The following ZNF592 variants were observed in gnomAD, a reference collection of about 807,000 sequenced individuals.
The protein encoded by ZNF592 is zinc finger protein 592.
ZNF592 carries 11 observed loss-of-function variants against 80.3 expected under a neutral mutation model. That is an observed-to-expected ratio of 0.14 (90% CI 0.09 to 0.23). ZNF592 has a LOEUF of 0.23. Among genes scored for constraint, ZNF592 ranks in the 10% least tolerant of loss-of-function variants. The pLI is 1.00. For synonymous variants in ZNF592, 646 were observed against 640.3 expected, an observed-to-expected ratio of 1.01 and a Z score of -0.13; for missense variants, 1,420 against 1,633.9, an observed-to-expected ratio of 0.87 and a Z score of 2.26.
At chr15:84,776,771 A>G (rs1156730917) in intron 2 of ZNF592, among the ~76,000 whole-genome samples, 1 of 151,900 alleles carries the variant, frequency 6.6e-6, no homozygotes, top group Non-Finnish European at 1.5e-5. Flanking sequence ...AAAACAAAAC[A>G]AAACACCTGG....
At chr15:84,778,942 G>C (rs1288540065) in intron 3 of ZNF592, among the ~76,000 whole-genome samples, 1 of 152,190 alleles carries the variant, frequency 6.6e-6, no homozygotes, top group Non-Finnish European at 1.5e-5. Context: ...ATGAGTGGAG[G>C]AACACCAGGG....
rs542785048 is a variant in ZNF592, at chr15:84,784,577, G to T, written c.1902G>T (p.Arg634=). 12 of 1,614,160 alleles carry T rather than the reference G, an allele frequency of 7.4e-6. No homozygotes were observed. In the African/African-American group the frequency reaches 1.6e-4, roughly 22 times the overall value. The change falls in exon 4 of 11, where the codon CGG becomes CGT. Residue 634 remains arginine, a synonymous_variant. Transcript: ENST00000560079. The surrounding 1 kb of genome is among the most constrained non-coding windows in gnomAD (Gnocchi z 5.8). The part of the protein sequence containing the change: ...LLFFNKCSLL[R]HARDHKSKGL... ...TCTTCAACAAGTGCAGCCTGCTCCG[G>T]CACGCCCGTGACCACAAGAGCAAGG...
chr15:84,752,220 T>C (rs1899034927), intron 1 of ZNF592, among the ~76,000 whole-genome samples: 1 of 152,214 alleles, frequency 6.6e-6, no homozygotes, highest in African/African-American at 2.4e-5. Context: ...CCATGTTCCA[T>C]GTGATCAGTC....
Position 84,802,155 on chromosome 15 carries a change from C to T in ZNF592, c.3566C>T (p.Ala1189Val), listed in dbSNP as rs543464397. The change falls in exon 11 of 11, where the codon GCG becomes GTG. Residue 1189 changes from alanine (A) to valine (V), a missense_variant. Around this residue, in one of 7 missense-constraint regions of ZNF592, gnomAD observed 145 missense variants for 211.9 expected, o/e 0.68. Coordinates refer to ENST00000560079, the MANE Select transcript of ZNF592 (RefSeq NM_014630.3). ...CAGGAGGAGGAGGAGGAAGAGGAGG[C>T]GGCGGCAGCGGAGATGGCAGTGGAG... ...RDQEEEEEEE[A>V]AAAEMAVEVA... 2.5e-5 allele frequency: 40 copies of T among 1,602,270 alleles called. No individual in the cohort carries two copies. In the South Asian group the frequency reaches 2.8e-4, roughly 11 times the overall value.
rs774627318 is a variant in ZNF592, at chr15:84,783,286, A to T, written c.611A>T (p.Glu204Val). ...LHMFDHFCKK[E>V]PKPEPLPLGS... ...ATGTTTGATCATTTTTGTAAGAAAG[A>T]ACCCAAGCCAGAACCCCTGCCCTTG... The change falls in exon 4 of 11, where the codon GAA becomes GTA. Residue 204 changes from glutamate (E) to valine (V), a missense_variant. Coordinates refer to ENST00000560079, the MANE Select transcript of ZNF592 (RefSeq NM_014630.3). This position sits in a 1 kb window ranked among gnomAD's most constrained non-coding sequence, Gnocchi z 5.0. 1.9e-6 allele frequency: 3 copies of T among 1,614,252 alleles called. No individual in the cohort carries two copies. The South Asian group carries it at 3.3e-5, about 18-fold the overall frequency.
chr15:84,786,538 G>A (rs2141989675), intron 4 of ZNF592, among the ~76,000 whole-genome samples: 1 of 152,236 alleles, frequency 6.6e-6, no homozygotes, highest in African/African-American at 2.4e-5. Flanking sequence ...GTTGAGTTTG[G>A]CGGGCCTGTA....
At chr15:84,791,936 A>G (rs1342838017) in intron 5 of ZNF592, among the ~76,000 whole-genome samples, 1 of 152,240 alleles carries the variant, frequency 6.6e-6, no homozygotes. Context: ...CAGACCATGC[A>G]AGACCTTGTA....
chr15:84,765,305 T>C (rs1899475582), intron 2 of ZNF592, among the ~76,000 whole-genome samples: 2 of 152,220 alleles, frequency 1.3e-5, no homozygotes, highest in Admixed American at 1.3e-4. Flanking sequence ...CTTTGAGTGT[T>C]ATGAATAATC....
chr15:84,782,953 A>T lies in ZNF592; in HGVS notation c.278A>T (p.Asn93Ile), dbSNP rs557600795. 2 of 1,614,158 alleles carry T rather than the reference A, an allele frequency of 1.2e-6. No individual in the cohort carries two copies. Among genetic ancestry groups the T allele is most frequent in the Admixed American group, 1.7e-5 (1 of 60,016 alleles). ...KDHITPSLLH[N>I]GFRGSDLPPD... Reference sequence around the variant, plus strand: ...CACATTACTCCCAGTCTCCTACACAATGGATTCCGGGGCTCAGATCTGCCT... The same window carrying T: ...CACATTACTCCCAGTCTCCTACACATTGGATTCCGGGGCTCAGATCTGCCT... Residue 93 changes from asparagine to isoleucine, a missense_variant, in exon 4 of 11, where the codon AAT becomes ATT. Transcript: ENST00000560079.
Position 84,797,944 on chromosome 15 carries a change from T to C in ZNF592, c.2475T>C (p.Val825=). 1 of 1,614,218 alleles carries C rather than the reference T, an allele frequency of 6.2e-7. No individual in the cohort carries two copies. Among genetic ancestry groups the C allele is most frequent in the Non-Finnish European group, 8.5e-7 (1 of 1,180,044 alleles). The part of the protein sequence containing the change: ...KSHIQERHCQ[V]FHKCAFCPMA... ...ACATCCAGGAGCGACACTGCCAGGT[T>C]TTCCACAAATGTGCATTCTGCCCCA... Residue 825 remains valine (V), a synonymous_variant, in exon 6 of 11, where the codon GTT becomes GTC. Coordinates refer to ENST00000560079, the MANE Select transcript of ZNF592 (RefSeq NM_014630.3).
intron 4 of ZNF592, among the ~76,000 whole-genome samples, chr15:84,786,938 C>A (rs1314148230): frequency 6.8e-6 from 1 of 147,710 alleles, no homozygotes; most frequent in Non-Finnish European, 1.5e-5. Context: ...GCAGCCTCTG[C>A]CTCCTGGGTT....
At chr15:84,750,714 C>G (rs1898989786) in intron 1 of ZNF592, among the ~76,000 whole-genome samples, 1 of 151,946 alleles carries the variant, frequency 6.6e-6, no homozygotes, top group African/African-American at 2.4e-5. Flanking sequence ...GGGAAGCCTT[C>G]CCTGGGGAAG....
At chr15:84,766,706 A>AGTGTGTGTAT (rs142827273) in intron 2 of ZNF592, among the ~76,000 whole-genome samples, 231 of 140,252 alleles carry the variant, frequency 1.6e-3, no homozygotes, top group African/African-American at 6.0e-3. Context: ...GATGAGAAAG[A>AGTGTGTGTAT]GTGTGTGTGT....
chr15:84,800,136 G>A (rs1963049330), intron 10 of ZNF592, among the ~76,000 whole-genome samples, 159 bp downstream of exon 10: 1 of 152,196 alleles, frequency 6.6e-6, no homozygotes, highest in Non-Finnish European at 1.5e-5. Context: ...CCTGGCACTG[G>A]ACACAAGTAG....
At chr15:84,770,481 G>C (rs1453941315) in intron 2 of ZNF592, among the ~76,000 whole-genome samples, 1 of 152,144 alleles carries the variant, frequency 6.6e-6, no homozygotes, top group Non-Finnish European at 1.5e-5. Flanking sequence ...CTGTGCCCTT[G>C]ATGAGCCTCA....
chr15:84,773,021 C>T (rs1034822891), intron 2 of ZNF592, among the ~76,000 whole-genome samples: 1 of 152,090 alleles, frequency 6.6e-6, no homozygotes, highest in African/African-American at 2.4e-5. Context: ...GGGGGAAAAC[C>T]TCATGGGTTC....
Position 84,797,959 on chromosome 15 carries a change from A to G in ZNF592, c.2490A>G (p.Ala830=). Reference sequence around the variant, plus strand: ...ACTGCCAGGTTTTCCACAAATGTGCATTCTGCCCCATGGCCTTCAAGACTG... The same window carrying G: ...ACTGCCAGGTTTTCCACAAATGTGCGTTCTGCCCCATGGCCTTCAAGACTG... ...ERHCQVFHKC[A]FCPMAFKTAS... is the part of the protein sequence containing the mutation. Residue 830 remains alanine, a synonymous_variant, in exon 6 of 11, where the codon GCA becomes GCG. Transcript: ENST00000560079. The G allele has an allele frequency of 1.2e-6, 2 of 1,614,220 alleles. No homozygotes were observed. Among genetic ancestry groups the G allele is most frequent in the East Asian group, 2.2e-5 (1 of 44,878 alleles).
Position 84,783,126 on chromosome 15 carries a change from G to T in ZNF592, c.451G>T (p.Asp151Tyr). ...FSPISSPEPEDPIKDNGFGIK... is the reference protein window; with the variant it reads ...FSPISSPEPEYPIKDNGFGIK... ...TCCAATCTCCAGCCCAGAACCTGAG[G>T]ATCCCATCAAAGATAACGGATTTGG... Residue 151 changes from aspartate to tyrosine, a missense_variant, in exon 4 of 11, where the codon GAT becomes TAT. Around this residue, in one of 7 missense-constraint regions of ZNF592, gnomAD observed 373 missense variants for 355.5 expected, o/e 1.05. Coordinates refer to ENST00000560079, the MANE Select transcript of ZNF592 (RefSeq NM_014630.3). The surrounding 1 kb of genome is among the most constrained non-coding windows in gnomAD (Gnocchi z 5.0). 1 of 1,614,102 alleles carries T rather than the reference G, an allele frequency of 6.2e-7. No homozygotes were observed. The highest frequency in any genetic ancestry group is 8.5e-7 in the Non-Finnish European group (1 of 1,180,030).
Position 84,783,498 on chromosome 15 carries a change from A to C in ZNF592, c.823A>C (p.Lys275Gln), listed in dbSNP as rs61742637. Residue 275 changes from lysine (K) to glutamine (Q), a missense_variant, in exon 4 of 11, where the codon AAG becomes CAG. Physicochemically the swap from Lys to Gln is moderately conservative, Grantham distance 53. Around this residue, in one of 7 missense-constraint regions of ZNF592, gnomAD observed 373 missense variants for 355.5 expected, o/e 1.05. Transcript: ENST00000560079. This position sits in a 1 kb window ranked among gnomAD's most constrained non-coding sequence, Gnocchi z 5.0. ...ATCAGTCCCCCCTAGGCAGCGTCTAAAGCCAGCTCATTCCAAGCTGTCCTC... is the reference window on the plus strand; with the variant it reads ...ATCAGTCCCCCCTAGGCAGCGTCTACAGCCAGCTCATTCCAAGCTGTCCTC... Reference protein sequence around the residue: ...CSSVPPRQRLKPAHSKLSSCV... With the variant: ...CSSVPPRQRLQPAHSKLSSCV... 35 of 1,614,070 alleles carry C rather than the reference A, an allele frequency of 2.2e-5. No individual in the cohort carries two copies. Among genetic ancestry groups the C allele is most frequent in the Non-Finnish European group, 5.1e-6 (6 of 1,180,036 alleles).
Sources: allele counts gnomAD v4.1 joint callset (sites outside exome capture counted in the v4.1 genomes callset), GRCh38; gene constraint gnomAD v4.1.1; regional missense constraint gnomAD v4.1.1; non-coding constraint Gnocchi (gnomAD v3.1); transcripts MANE v1.5; gene names NCBI Gene and HGNC (gene_info 2026-07-23, HGNC 2026-07-21).